ANKAR: variants seen among roughly 807,000 people sequenced by gnomAD.
ANKAR encodes ankyrin and armadillo repeat-containing protein.
ANKAR carries 136 observed loss-of-function variants against 146.2 expected under a neutral mutation model. That is an observed-to-expected ratio of 0.93 (90% CI 0.81 to 1.07). The LOEUF is 1.07. Ranked by LOEUF, ANKAR falls within the 50% of genes least tolerant of loss-of-function variation. The pLI is 0.00. For synonymous variants in ANKAR, 500 were observed against 575.8 expected (o/e 0.87, Z 1.88); for missense variants, 1,567 against 1,679.9 (o/e 0.93, Z 1.18).
chr2:189,726,290 C>T (rs1216476127), intron 12 of ANKAR, among the ~76,000 whole-genome samples: 1 of 152,130 alleles, frequency 6.6e-6, no homozygotes, highest in Non-Finnish European at 1.5e-5. Flanking sequence ...CATTATATAA[C>T]TCCACAGAGG....
At chr2:189,718,320 G>A (rs56255232) in intron 10 of ANKAR, among the ~76,000 whole-genome samples, 8 of 28,252 alleles carry the variant, frequency 2.8e-4, no homozygotes, top group East Asian at 1.3e-3. Flanking sequence ...ATATCTATCT[G>A]TCTGTCTATC....
chr2:189,728,268 C>T lies in ANKAR; in HGVS notation c.2879C>T (p.Ala960Val). Residue 960 changes from alanine to valine, a missense_variant and splice_region_variant, in exon 14 of 23, where the codon GCA becomes GTA. Physicochemically the swap from Ala to Val is moderately conservative, Grantham distance 64 (BLOSUM62 0). Coordinates refer to ENST00000684021, the MANE Select transcript of ANKAR (RefSeq NM_001378068.1). ...TTAATGAAATATTTTTAAAAATAGGCATTTCAAATAGATGTTAAGGAACAA... is the reference window on the plus strand; with the variant it reads ...TTAATGAAATATTTTTAAAAATAGGTATTTCAAATAGATGTTAAGGAACAA... ...LTKYLLKLLK[A>V]FQIDVKEQGA... 6.3e-7 allele frequency: 1 copy of T among 1,587,300 alleles called. No individual in the cohort carries two copies. The highest frequency in any genetic ancestry group is 8.5e-7 in the Non-Finnish European group (1 of 1,172,394).
intron 19 of ANKAR, among the ~76,000 whole-genome samples, chr2:189,739,695 C>G (rs544551354): frequency 5.9e-5 from 9 of 151,916 alleles, no homozygotes; most frequent in Non-Finnish European, 1.3e-4. Flanking sequence ...TCCCGAGTAG[C>G]TGGGACTACA....
rs777683739 is a variant in ANKAR, at chr2:189,692,434, C to T, written c.1203+16C>T. ...AGATTTTCAGGTTTAAATGATCATTCCTTAGACAATTTATCATTTCACAAC... is the reference window on the plus strand; with the variant it reads ...AGATTTTCAGGTTTAAATGATCATTTCTTAGACAATTTATCATTTCACAAC... On this transcript the variant is annotated intron_variant, in intron 4 of 22. Coordinates refer to ENST00000684021, the MANE Select transcript of ANKAR (RefSeq NM_001378068.1). 1.3e-6 allele frequency: 2 copies of T among 1,589,646 alleles called. No individual in the cohort carries two copies. The highest frequency in any genetic ancestry group is 2.3e-5 in the South Asian group (2 of 86,298).
intron 12 of ANKAR, among the ~76,000 whole-genome samples, chr2:189,725,788 T>A (rs1275841149): frequency 2.0e-5 from 3 of 152,002 alleles, no homozygotes; most frequent in African/African-American, 7.2e-5. Context: ...CATGCCTGTA[T>A]TCCCAGCTAC....
At chr2:189,717,725 G>A (rs2040671128) in intron 10 of ANKAR, among the ~76,000 whole-genome samples, 2 of 152,182 alleles carry the variant, frequency 1.3e-5, no homozygotes, top group Admixed American at 6.5e-5. Context: ...AAGAAAATGT[G>A]GCACAGATAC....
At chr2:189,680,479 G>A (rs1305342360) in intron 2 of ANKAR, among the ~76,000 whole-genome samples, 2 of 151,356 alleles carry the variant, frequency 1.3e-5, no homozygotes, top group Non-Finnish European at 2.9e-5. Flanking sequence ...CTTCTGCTTG[G>A]TTTGGGTTTG....
downstream of ANKAR, chr2:189,762,767 G>C (rs533162430): frequency 8.8e-5 from 87 of 985,506 alleles, 1 homozygote; most frequent in South Asian, 3.6e-3. Flanking sequence ...GCAGGAGAAA[G>C]CCCGAACCTG....
chr2:189,701,917 A>G (rs1478882281), intron 7 of ANKAR, among the ~76,000 whole-genome samples: 1 of 152,158 alleles, frequency 6.6e-6, no homozygotes, highest in East Asian at 1.9e-4. Context: ...ACTATATTAA[A>G]TAGGCCTTTA....
In ANKAR at chr2:189,730,617, T is replaced by A; in HGVS notation, c.3300+16T>A. The A allele has an allele frequency of 7.3e-7, 1 of 1,374,536 alleles. No individual in the cohort carries two copies. Among genetic ancestry groups the A allele is most frequent in the Non-Finnish European group, 9.9e-7 (1 of 1,005,170 alleles). 85.1% of individuals were successfully genotyped at this position (1,374,536 alleles called of 1,614,324 possible). A position where few individuals can be genotyped will look rare whatever the true frequency, so the allele number is the denominator to read the frequency against. On this transcript the variant is annotated intron_variant, in intron 16 of 22. Coordinates refer to ENST00000684021, the MANE Select transcript of ANKAR (RefSeq NM_001378068.1). ...TAACATTAAGGTATAAAGGTTTACA[T>A]TGTTTTCTGATATGGTAAAAATTAA...
chr2:189,731,899 A>G (rs1472024920), intron 16 of ANKAR, among the ~76,000 whole-genome samples: 1 of 151,714 alleles, frequency 6.6e-6, no homozygotes. Flanking sequence ...ATGGAGTTTC[A>G]CTATTTTGCC....
intron 7 of ANKAR, among the ~76,000 whole-genome samples, chr2:189,699,619 A>G (rs1002283096): frequency 6.6e-6 from 1 of 152,182 alleles, no homozygotes; most frequent in Non-Finnish European, 1.5e-5. Flanking sequence ...ATAAGCACAT[A>G]TAAGTATCTA....
intron 2 of ANKAR, among the ~76,000 whole-genome samples, chr2:189,677,847 CTTTA>C (rs1367512578): frequency 6.6e-6 from 1 of 152,004 alleles, no homozygotes; most frequent in Non-Finnish European, 1.5e-5. Context: ...GTTGATGGGC[CTTTA>C]GACTGGTTCC....
chr2:189,675,393 T>C (rs923469020), intron 1 of ANKAR, among the ~76,000 whole-genome samples: 4 of 152,176 alleles, frequency 2.6e-5, no homozygotes, highest in African/African-American at 9.7e-5. Flanking sequence ...TTTCTTTTTT[T>C]GAAACAGTGT....
chr2:189,700,552 G>T (rs891263841), intron 7 of ANKAR, among the ~76,000 whole-genome samples: 1 of 152,044 alleles, frequency 6.6e-6, no homozygotes, highest in Non-Finnish European at 1.5e-5. Flanking sequence ...ATATAATCCA[G>T]TTATACTCTT....
At chr2:189,684,829 C>CA (rs71023709) in intron 2 of ANKAR, among the ~76,000 whole-genome samples, 20 of 108,044 alleles carry the variant, frequency 1.9e-4, no homozygotes, top group African/African-American at 5.5e-4. Context: ...GACCCTGTCT[C>CA]AAAAAAAAAA....
At chr2:189,733,833 T>C (rs1223124516) in intron 17 of ANKAR, among the ~76,000 whole-genome samples, 1 of 129,428 alleles carries the variant, frequency 7.7e-6, no homozygotes, top group African/African-American at 2.9e-5. Flanking sequence ...TATTTTTATT[T>C]TTTTCAATGT....
chr2:189,720,564 A>T (rs2041126893), intron 11 of ANKAR, 55 bp from the exon 12 acceptor site: 1 of 1,230,054 alleles, frequency 8.1e-7, no homozygotes, highest in Non-Finnish European at 1.1e-6. Context: ...TTTCTAAATA[A>T]AGATTACATT....
rs562677200 is a variant in ANKAR, at chr2:189,713,616, C to T, written c.2224+2463C>T. Among the ~76,000 whole-genome samples the T allele has an allele frequency of 4.6e-5, 7 of 152,280 alleles. No individual in the cohort carries two copies. The East Asian group carries it at 1.4e-3, about 29-fold the overall frequency. On this transcript the variant is annotated intron_variant, in intron 10 of 22. Coordinates refer to ENST00000684021, the MANE Select transcript of ANKAR (RefSeq NM_001378068.1). ...CTTACAAGAGCTCCTGAAGAAAGCA[C>T]TAAACATGCAAAGGAACAACCAGTA...
Sources: allele counts gnomAD v4.1 joint callset (sites outside exome capture counted in the v4.1 genomes callset), GRCh38; gene constraint gnomAD v4.1.1; transcripts MANE v1.5; gene names NCBI Gene and HGNC (gene_info 2026-07-23, HGNC 2026-07-21).